TRAFD1: variants seen among roughly 807,000 people sequenced by gnomAD.
TRAFD1 encodes the protein TRAF-type zinc finger domain containing 1.
In TRAFD1, 38 loss-of-function variants were observed where a neutral mutation model predicts 65.3. That is an observed-to-expected ratio of 0.58 (90% CI 0.45 to 0.76). TRAFD1 has a LOEUF of 0.76. Ranked by LOEUF, TRAFD1 falls within the 30% of genes least tolerant of loss-of-function variation. TRAFD1 has a pLI of 0.00. For missense variants in TRAFD1, 631 were observed against 712.6 expected, an observed-to-expected ratio of 0.89 and a Z score of 1.30; for synonymous variants, 223 against 257.2, an observed-to-expected ratio of 0.87 and a Z score of 1.27.
intron 6 of TRAFD1, 124 bp from the exon 7 acceptor site, chr12:112,145,462 T>G (rs2030212397): frequency 1.1e-6 from 1 of 885,734 alleles, no homozygotes. Context: ...CCCCACAAAT[T>G]GCTATCTATA....
In TRAFD1 at chr12:112,130,003, G is replaced by T. The variant is rs541813096; in HGVS notation, c.-12-508G>T. Among the ~76,000 whole-genome samples, 57 of 151,810 alleles carry T rather than the reference G, an allele frequency of 3.8e-4. No homozygotes were observed. The highest frequency in any genetic ancestry group is 8.6e-4 in the Admixed American group (13 of 15,194). On this transcript the variant is annotated intron_variant, in intron 1 of 11. Coordinates refer to ENST00000412615, the MANE Select transcript of TRAFD1 (RefSeq NM_006700.3). This position sits in a 1 kb window ranked among gnomAD's most constrained non-coding sequence, Gnocchi z 4.4. ...CTCACTCTGTCACCCAGGCTGGAGT[G>T]CAGTGGCATGATCATGGCTCTCTGC...
In TRAFD1 at chr12:112,135,029, A is replaced by G; in HGVS notation, c.200A>G (p.Asn67Ser). ...TTACTCTAGGTGACCTGCAAATGTA[A>G]CAAGAAGTTGGAGAAGAGGCTGTTA... The part of the protein sequence containing the change: ...AEHCQVTCKC[N>S]KKLEKRLLKK... Residue 67 changes from asparagine (N) to serine (S), a missense_variant, in exon 4 of 12, where the codon AAC becomes AGC. Physicochemically the swap from Asn to Ser is conservative, Grantham distance 46. Coordinates refer to ENST00000412615, the MANE Select transcript of TRAFD1 (RefSeq NM_006700.3). 6.2e-7 allele frequency: 1 copy of G among 1,614,230 alleles called. No homozygotes were observed. The highest frequency in any genetic ancestry group is 2.2e-5 in the East Asian group (1 of 44,890).
intron 1 of TRAFD1, among the ~76,000 whole-genome samples, chr12:112,126,400 C>G (rs1415842987): frequency 1.3e-5 from 2 of 152,174 alleles, no homozygotes; most frequent in East Asian, 3.9e-4. Flanking sequence ...CGCCCGTTTC[C>G]TTGACCCTTT....
At chr12:112,129,025 T>C (rs1189938421) in intron 1 of TRAFD1, among the ~76,000 whole-genome samples, 1 of 137,084 alleles carries the variant, frequency 7.3e-6, no homozygotes, top group African/African-American at 2.9e-5. Context: ...AGTGAGACTC[T>C]GTTTAAAAAA....
intron 9 of TRAFD1, among the ~76,000 whole-genome samples, chr12:112,150,588 C>A (rs1334494435): frequency 6.6e-6 from 1 of 151,578 alleles, no homozygotes; most frequent in Admixed American, 6.6e-5. Context: ...TAGACAGGGT[C>A]TCTTTGTCAT....
At chr12:112,145,761 A>G in intron 7 of TRAFD1, 99 bp downstream of exon 7, 1 of 1,029,946 alleles carries the variant, frequency 9.7e-7, no homozygotes, top group East Asian at 2.4e-5. Context: ...ATTTTAATAC[A>G]ATGCCCATAG....
intron 4 of TRAFD1, 70 bp downstream of exon 4, chr12:112,135,136 AG>A: frequency 6.4e-7 from 1 of 1,573,348 alleles, no homozygotes; most frequent in Non-Finnish European, 8.7e-7. Flanking sequence ...CAGAGCAGGA[AG>A]CCAGTCTGGT....
chr12:112,152,426 G>A lies in TRAFD1; in HGVS notation c.1620-1G>A, dbSNP rs748768126. The A allele has an allele frequency of 1.2e-6, 2 of 1,612,916 alleles. No homozygotes were observed. The highest frequency in any genetic ancestry group is 2.2e-5 in the South Asian group (2 of 91,084). On this transcript the variant is annotated splice_acceptor_variant, in intron 10 of 11. Coordinates refer to ENST00000412615, the MANE Select transcript of TRAFD1 (RefSeq NM_006700.3). LOFTEE classifies it high-confidence loss of function. The surrounding 1 kb of genome is among the most constrained non-coding windows in gnomAD (Gnocchi z 5.0). The stretch of plus-strand genomic sequence containing the variant: ...GCTAGTTTCTAATTGTTTTCTTTCA[G>A]TGGTAGGAGTGAAGGTGGCAGGAAT...
intron 9 of TRAFD1, among the ~76,000 whole-genome samples, 165 bp downstream of exon 9, chr12:112,150,036 A>G (rs1044868614): frequency 9.2e-5 from 14 of 152,242 alleles, no homozygotes; most frequent in Non-Finnish European, 1.2e-4. Context: ...GTGGTCCCAC[A>G]TTAGACTGAG....
chr12:112,151,721 T>C, intron 9 of TRAFD1, 80 bp from the exon 10 acceptor site: 1 of 1,382,402 alleles, frequency 7.2e-7, no homozygotes, highest in Non-Finnish European at 9.9e-7. Context: ...CTATCTGGAA[T>C]CTTTTTGTTC....
chr12:112,145,738 C>A, intron 7 of TRAFD1, 76 bp downstream of exon 7: 1 of 1,325,428 alleles, frequency 7.5e-7, no homozygotes, highest in Non-Finnish European at 1.1e-6. Context: ...CCACATGAGG[C>A]CTTGAACAAA....
chr12:112,131,088 C>T (rs957052942), intron 2 of TRAFD1, among the ~76,000 whole-genome samples: 3 of 152,190 alleles, frequency 2.0e-5, no homozygotes, highest in African/African-American at 7.2e-5. Flanking sequence ...ATTAGAGCAA[C>T]AGCTGGTTAC....
intron 4 of TRAFD1, among the ~76,000 whole-genome samples, chr12:112,140,473 A>C (rs1405412665): frequency 6.6e-6 from 1 of 151,638 alleles, no homozygotes; most frequent in East Asian, 1.9e-4. Context: ...GGACAGGGAC[A>C]TTGGAGCTTT....
Position 112,137,736 on chromosome 12 carries a change from A to G in TRAFD1, c.237+2670A>G, listed in dbSNP as rs1012071514. On this transcript the variant is annotated intron_variant, in intron 4 of 11. Coordinates refer to ENST00000412615, the MANE Select transcript of TRAFD1 (RefSeq NM_006700.3). This position sits in a 1 kb window ranked among gnomAD's most constrained non-coding sequence, Gnocchi z 4.2. ...GAGGTTGCGCTACTGCACTTCAGTC[A>G]GGGCGACAGAGCGAGACTCCGTCTA... Among the ~76,000 whole-genome samples the G allele has an allele frequency of 2.0e-5, 3 of 152,314 alleles. No individual in the cohort carries two copies.
chr12:112,125,753 C>T (rs1022113061), intron 1 of TRAFD1, 135 bp downstream of exon 1: 2 of 152,270 alleles, frequency 1.3e-5, no homozygotes, highest in Admixed American at 6.5e-5. Context: ...AGAGGATGCC[C>T]GCGCGGCGGC....
intron 2 of TRAFD1, among the ~76,000 whole-genome samples, chr12:112,133,562 A>C (rs2079576433): frequency 6.6e-6 from 1 of 152,162 alleles, no homozygotes; most frequent in Non-Finnish European, 1.5e-5. Context: ...TGGTTTTGGA[A>C]TAGCCTAGCT....
At chr12:112,126,038 G>A (rs563122419) in intron 1 of TRAFD1, 1 of 152,320 alleles carries the variant, frequency 6.6e-6, no homozygotes, top group Non-Finnish European at 1.5e-5. Context: ...CTCGCACTCC[G>A]ACCCGCTGGT....
Position 112,148,343 on chromosome 12 carries a change from C to T in TRAFD1, c.1158+39C>T, listed in dbSNP as rs149616355. 62 of 1,568,330 alleles carry T rather than the reference C, an allele frequency of 4.0e-5. No homozygotes were observed. In the Middle Eastern group the frequency reaches 1.2e-3, roughly 31 times the overall value. On this transcript the variant is annotated intron_variant, in intron 8 of 11. Coordinates refer to ENST00000412615, the MANE Select transcript of TRAFD1 (RefSeq NM_006700.3). Reference sequence around the variant, plus strand: ...GAGTCCCTGTCCATGTGGCTCTGTGCGTGAACCTGAGGCTTCCAGAGCTGA... The same window carrying T: ...GAGTCCCTGTCCATGTGGCTCTGTGTGTGAACCTGAGGCTTCCAGAGCTGA...
intron 5 of TRAFD1, 196 bp downstream of exon 5, chr12:112,141,420 A>G: frequency 1.5e-6 from 1 of 652,596 alleles, no homozygotes; most frequent in South Asian, 2.1e-5. Context: ...AATGGTGAGT[A>G]TGATGACAGT....
Sources: allele counts gnomAD v4.1 joint callset (sites outside exome capture counted in the v4.1 genomes callset), GRCh38; gene constraint gnomAD v4.1.1; non-coding constraint Gnocchi (gnomAD v3.1); transcripts MANE v1.5; gene names NCBI Gene and HGNC (gene_info 2026-07-23, HGNC 2026-07-21).